Variants in FUT8 observed in about 807,000 individuals in gnomAD.
FUT8 encodes the protein alpha-(1,6)-fucosyltransferase.
In FUT8, 29 loss-of-function variants were observed where a neutral mutation model predicts 71.3. The observed-to-expected ratio is 0.41, with a 90% CI of 0.30 to 0.55. FUT8 has a LOEUF of 0.55. Among genes scored for constraint, FUT8 ranks in the 20% least tolerant of loss-of-function variants. The pLI, the probability that FUT8 is intolerant of heterozygous loss-of-function variation, is 0.34. For synonymous variants in FUT8, 254 were observed against 239.3 expected (o/e 1.06, Z -0.57); for missense variants, 544 against 702.1 (o/e 0.77, Z 2.55).
chr14:65,417,862 G>A (rs61989989), intron 1 of FUT8, among the ~76,000 whole-genome samples: 1 of 152,028 alleles, frequency 6.6e-6, no homozygotes, highest in African/African-American at 2.4e-5. Context: ...AGATCACTAC[G>A]AAATGCTCAC....
chr14:65,440,292 T>A (rs1460333598), intron 1 of FUT8, among the ~76,000 whole-genome samples: 1 of 151,818 alleles, frequency 6.6e-6, no homozygotes, highest in East Asian at 1.9e-4. Flanking sequence ...TACAGCATGG[T>A]TGACTGTAGT....
intron 2 of FUT8, among the ~76,000 whole-genome samples, chr14:65,525,141 C>G (rs1448726781): frequency 6.6e-6 from 1 of 152,196 alleles, no homozygotes; most frequent in African/African-American, 2.4e-5. Context: ...AGGAATGGTA[C>G]TAGCTCCTCC....
chr14:65,724,828 G>C (rs577074111), intron 9 of FUT8, among the ~76,000 whole-genome samples: 1 of 152,182 alleles, frequency 6.6e-6, no homozygotes, highest in South Asian at 2.1e-4. Flanking sequence ...GAACAGGAGA[G>C]GAAGTGTTCT....
At position 65,481,687 on chromosome 14, in the gene FUT8, G is replaced by GT. The variant is rs567062781; in HGVS notation, c.-228+25978dup. Reference sequence around the variant, plus strand: ...CTATAAATTTAGTGCCTTTTCTAAAGTTTTTTTTTAAAATGGAACTTCTAG... The same window carrying GT: ...CTATAAATTTAGTGCCTTTTCTAAAGTTTTTTTTTTAAAATGGAACTTCTAG... On this transcript the variant is annotated intron_variant, in intron 2 of 10. Coordinates refer to ENST00000673929, the MANE Select transcript of FUT8 (RefSeq NM_001371533.1). Among the ~76,000 whole-genome samples, 462 of 151,568 alleles carry GT rather than the reference G, an allele frequency of 3.0e-3. 3 individuals carry two copies. Among genetic ancestry groups the GT allele is most frequent in the African/African-American group, 0.01 (431 of 41,360 alleles).
chr14:65,375,463 G>A, the FUT8 span, among the ~76,000 whole-genome samples: 1 of 152,136 alleles, frequency 6.6e-6, no homozygotes, highest in African/African-American at 2.4e-5. Flanking sequence ...TACAAAAAAA[G>A]TTTTAAAATT....
At position 65,604,635 on chromosome 14, in the gene FUT8, T is replaced by G. The variant is rs188045161; in HGVS notation, c.204-11343T>G. 1.0e-3 allele frequency among the ~76,000 whole-genome samples: 155 copies of G among 151,964 alleles called. 3 individuals carry two copies. The highest frequency in any genetic ancestry group is 3.7e-3 in the African/African-American group (153 of 41,508). On this transcript the variant is annotated intron_variant, in intron 3 of 10. Transcript: ENST00000673929. The stretch of plus-strand genomic sequence containing the variant: ...AGGAAAGTTCTTAGCCTTAAATGCC[T>G]ACATCAAAAAGTCTGAAAGAGCACA...
chr14:65,361,694 T>C, the FUT8 span, among the ~76,000 whole-genome samples: 1 of 151,702 alleles, frequency 6.6e-6, no homozygotes, highest in Non-Finnish European at 1.5e-5. Context: ...AGGCTGAGGT[T>C]GGAGAATTGC....
chr14:65,433,938 A>C (rs2065515920), intron 1 of FUT8, among the ~76,000 whole-genome samples: 1 of 152,144 alleles, frequency 6.6e-6, no homozygotes, highest in Non-Finnish European at 1.5e-5. Context: ...AGCTAGGGCT[A>C]AAAATGTGTG....
chr14:65,357,138 T>G, the FUT8 span, among the ~76,000 whole-genome samples: 1 of 152,220 alleles, frequency 6.6e-6, no homozygotes, highest in Non-Finnish European at 1.5e-5. Flanking sequence ...TGTTCTTATC[T>G]CTAAAATGGG....
At chr14:65,598,156 A>AC (rs1220466634) in intron 3 of FUT8, among the ~76,000 whole-genome samples, 1 of 152,056 alleles carries the variant, frequency 6.6e-6, no homozygotes, top group Non-Finnish European at 1.5e-5. Context: ...ACGGAAAGAG[A>AC]CCCTGTCTCA....
intron 2 of FUT8, among the ~76,000 whole-genome samples, chr14:65,543,654 A>G (rs1884820184): frequency 6.6e-6 from 1 of 152,094 alleles, no homozygotes; most frequent in Admixed American, 6.5e-5. Context: ...ACCCTCAGGG[A>G]TAAATTCTGA....
At chr14:65,733,103 C>T in intron 9 of FUT8, 128 bp from the exon 10 acceptor site, 1 of 546,960 alleles carries the variant, frequency 1.8e-6, no homozygotes. Context: ...GTCTCATCAA[C>T]TACAGTATTA....
the FUT8 span, among the ~76,000 whole-genome samples, chr14:65,366,686 A>G: frequency 1.6e-4 from 24 of 152,304 alleles, no homozygotes; most frequent in African/African-American, 5.8e-4. Flanking sequence ...GCAGCTTACT[A>G]TAGTGTCGTA....
chr14:65,605,570 C>G (rs1888537815), intron 3 of FUT8, among the ~76,000 whole-genome samples: 2 of 151,992 alleles, frequency 1.3e-5, no homozygotes, highest in Admixed American at 1.3e-4. Context: ...AAGAGGCAGA[C>G]TTCTGCAACC....
At chr14:65,365,906 T>C in the FUT8 span, among the ~76,000 whole-genome samples, 1 of 152,102 alleles carries the variant, frequency 6.6e-6, no homozygotes, top group Non-Finnish European at 1.5e-5. Context: ...GGTGCGATCT[T>C]GGCTCACTGC....
At chr14:65,570,519 A>G (rs1046950848) in intron 3 of FUT8, among the ~76,000 whole-genome samples, 4 of 151,960 alleles carry the variant, frequency 2.6e-5, no homozygotes, top group Non-Finnish European at 5.9e-5. Flanking sequence ...ATACTCCTAC[A>G]TATACTCTAC....
chr14:65,390,854 G>C, the FUT8 span, among the ~76,000 whole-genome samples: 1 of 151,498 alleles, frequency 6.6e-6, no homozygotes, highest in African/African-American at 2.4e-5. Flanking sequence ...CTCTTGAGTA[G>C]CTGGGACTAC....
the FUT8 span, among the ~76,000 whole-genome samples, chr14:65,363,263 A>G: frequency 1.8e-5 from 2 of 112,978 alleles, no homozygotes; most frequent in Non-Finnish European, 4.7e-5. Context: ...CTGGGATTAC[A>G]GGTGCCCGCC....
Position 65,701,588 on chromosome 14 carries a change from C to G in FUT8, c.836-20187C>G, listed in dbSNP as rs538372625. On this transcript the variant is annotated intron_variant, in intron 7 of 10. Transcript: ENST00000673929. The stretch of plus-strand genomic sequence containing the variant: ...TAAAATGCACCCTAAATGTGTCATA[C>G]AAATAAATTAAATTTGAGATAAGCT... Among the ~76,000 whole-genome samples, 6 of 152,280 alleles carry G rather than the reference C, an allele frequency of 3.9e-5. No homozygotes were observed. In the East Asian group the frequency reaches 1.2e-3, roughly 29 times the overall value.
Sources: allele counts gnomAD v4.1 joint callset (sites outside exome capture counted in the v4.1 genomes callset), GRCh38; gene constraint gnomAD v4.1.1; transcripts MANE v1.5; gene names NCBI Gene and HGNC (gene_info 2026-07-23, HGNC 2026-07-21).